ITSN1: variants seen among roughly 807,000 people sequenced by gnomAD.
The protein encoded by ITSN1 is intersectin-1.
ITSN1 carries 58 observed loss-of-function variants against 239.8 expected under a neutral mutation model. The observed-to-expected ratio is 0.24, with a 90% CI of 0.20 to 0.30. ITSN1 has a LOEUF of 0.30. ITSN1 is among the 10% of genes least tolerant of loss of function. The pLI is 1.00. For synonymous variants in ITSN1, 780 were observed against 770.8 expected (o/e 1.01, Z -0.20); for missense variants, 1,558 against 2,103.3 (o/e 0.74, Z 5.07).
chr21:33,684,115 G>A (rs1002493541), intron 1 of ITSN1, among the ~76,000 whole-genome samples: 2 of 152,070 alleles, frequency 1.3e-5, no homozygotes, highest in South Asian at 2.1e-4. Flanking sequence ...AAAGCATTTC[G>A]GTTAATTCTG....
chr21:33,883,894 G>GTTAT (rs1985351125), intron 36 of ITSN1, among the ~76,000 whole-genome samples: 1 of 109,778 alleles, frequency 9.1e-6, no homozygotes, highest in Admixed American at 1.0e-4. Context: ...TTTTGCTTGA[G>GTTAT]TTTTTTTTTT....
chr21:33,671,493 C>G (rs751884138), intron 1 of ITSN1, among the ~76,000 whole-genome samples: 12 of 151,892 alleles, frequency 7.9e-5, no homozygotes, highest in Non-Finnish European at 1.5e-4. Context: ...CCGCGTTGGT[C>G]AGGCTGGTCT....
Position 33,760,310 on chromosome 21 carries a change from G to C in ITSN1, c.725-1613G>C, listed in dbSNP as rs943645053. On this transcript the variant is annotated intron_variant, in intron 8 of 39. Transcript: ENST00000381318. ...ACCTTGGTGGTAGCTGAGTCTAAAA[G>C]AGAGGCAAATAGGGGCATCTGGGGT... Among the ~76,000 whole-genome samples the C allele has an allele frequency of 3.3e-5, 5 of 152,170 alleles. No homozygotes were observed. The South Asian group carries it at 8.3e-4, about 25-fold the overall frequency.
Position 33,882,404 on chromosome 21 carries a change from C to A in ITSN1, c.4503C>A (p.Thr1501=). 1 of 1,614,052 alleles carries A rather than the reference C, an allele frequency of 6.2e-7. No homozygotes were observed. Among genetic ancestry groups the A allele is most frequent in the Non-Finnish European group, 8.5e-7 (1 of 1,180,008 alleles). ...QITKPLGSSG[T]DKVFSPKSNL... ...CGAAGCCTTTGGGGTCTTCTGGCAC[C>A]GACAAAGTCTTCAGCCCCAAATCAA... The change falls in exon 35 of 40, where the codon ACC becomes ACA. Residue 1501 remains threonine (T), a synonymous_variant. Transcript: ENST00000381318. This position sits in a 1 kb window ranked among gnomAD's most constrained non-coding sequence, Gnocchi z 4.5.
At chr21:33,829,422 C>T in intron 26 of ITSN1, 10 of 596,074 alleles carry the variant, frequency 1.7e-5, no homozygotes, top group Non-Finnish European at 2.1e-5. Flanking sequence ...GCTCAAGGAT[C>T]AGCCAGGCCC....
Position 33,721,208 on chromosome 21 carries a change from A to C in ITSN1, c.59A>C (p.Glu20Ala). Residue 20 changes from glutamate (E) to alanine (A), a missense_variant, in exon 3 of 40, where the codon GAG becomes GCG. By Grantham distance (107) the Glu-to-Ala change is moderately radical. Around this residue, in one of 2 missense-constraint regions of ITSN1, gnomAD observed 982 missense variants for 1,209.9 expected, o/e 0.81. Coordinates refer to ENST00000381318, the MANE Select transcript of ITSN1 (RefSeq NM_003024.3). Reference protein sequence around the residue: ...GSLDIWAITVEERAKHDQQFH... With the variant: ...GSLDIWAITVAERAKHDQQFH... ...CTGGATATCTGGGCCATAACTGTAG[A>C]GGAAAGAGCGAAGCATGATCAGCAG... is the stretch of plus-strand genomic sequence containing the variant. 6.2e-7 allele frequency: 1 copy of C among 1,613,600 alleles called. No homozygotes were observed. Among genetic ancestry groups the C allele is most frequent in the Non-Finnish European group, 8.5e-7 (1 of 1,179,494 alleles).
intron 16 of ITSN1, among the ~76,000 whole-genome samples, chr21:33,782,619 C>T (rs1346768994): frequency 1.3e-5 from 2 of 152,092 alleles, no homozygotes; most frequent in Non-Finnish European, 2.9e-5. Flanking sequence ...GTCACATTTG[C>T]ACAGTAAAAT....
At chr21:33,762,335 C>T (rs1241103983) in intron 9 of ITSN1, among the ~76,000 whole-genome samples, 1 of 150,962 alleles carries the variant, frequency 6.6e-6, no homozygotes, top group Non-Finnish European at 1.5e-5. Flanking sequence ...GGTACGATCT[C>T]GGCTCACCGC....
Position 33,797,755 on chromosome 21 carries a change from C to T in ITSN1, c.2182+147C>T. The T allele has an allele frequency of 1.5e-6, 1 of 663,474 alleles. No homozygotes were observed. Among genetic ancestry groups the T allele is most frequent in the Non-Finnish European group, 2.6e-6 (1 of 382,384 alleles). 41.1% of individuals were successfully genotyped at this position (663,474 alleles called of 1,614,324 possible). On this transcript the variant is annotated intron_variant, in intron 18 of 39. Coordinates refer to ENST00000381318, the MANE Select transcript of ITSN1 (RefSeq NM_003024.3). This position sits in a 1 kb window ranked among gnomAD's most constrained non-coding sequence, Gnocchi z 4.9. The stretch of plus-strand genomic sequence containing the variant: ...CTTATTTTGAGCATGGCCAGCTCTT[C>T]TTTCCCCAGGGTCATTTGAGATCTG...
chr21:33,888,717 A>T lies in ITSN1; in HGVS notation c.*417A>T, dbSNP rs1458452699. On this transcript the variant is annotated 3_prime_UTR_variant, in exon 40 of 40. Coordinates refer to ENST00000381318, the MANE Select transcript of ITSN1 (RefSeq NM_003024.3). ...TGTTTCTTACATCCACCAGTCCCCAAGTAGACTTCTTGGCCTACAATGCCC... is the reference window on the plus strand; with the variant it reads ...TGTTTCTTACATCCACCAGTCCCCATGTAGACTTCTTGGCCTACAATGCCC... 1 of 154,890 alleles carries T rather than the reference A, an allele frequency of 6.5e-6. No individual in the cohort carries two copies. Among genetic ancestry groups the T allele is most frequent in the African/African-American group, 2.4e-5 (1 of 41,506 alleles). The allele number at this position is 154,890 out of a possible 1,614,324, so 9.6% of individuals were successfully genotyped here.
chr21:33,767,118 A>G (rs905834649), intron 10 of ITSN1, among the ~76,000 whole-genome samples: 1 of 152,194 alleles, frequency 6.6e-6, no homozygotes, highest in Non-Finnish European at 1.5e-5. Flanking sequence ...CAGTGAGCCA[A>G]GATTGCACCA....
intron 1 of ITSN1, among the ~76,000 whole-genome samples, chr21:33,698,346 C>A (rs2091884095): frequency 6.6e-6 from 1 of 152,168 alleles, no homozygotes; most frequent in Admixed American, 6.6e-5. Context: ...CCCCTGCTGC[C>A]ACTCCCCCCT....
rs141142295 is a variant in ITSN1 at position 33,772,452 on chromosome 21, G to C, written c.1305+129G>C. 1.7e-3 allele frequency: 1,973 copies of C among 1,158,554 alleles called. 4 individuals carry two copies. The highest frequency in any genetic ancestry group is 2.2e-3 in the Non-Finnish European group (1,816 of 830,334). The allele number at this position is 1,158,554 out of a possible 1,614,324, so 71.8% of individuals were successfully genotyped here. On this transcript the variant is annotated intron_variant, in intron 12 of 39. Coordinates refer to ENST00000381318, the MANE Select transcript of ITSN1 (RefSeq NM_003024.3). ...GTAGTTTTAGTATATTCCCAAAGTTGTGCAACCATCGTCCCTAATTCCAGA... is the reference window on the plus strand; with the variant it reads ...GTAGTTTTAGTATATTCCCAAAGTTCTGCAACCATCGTCCCTAATTCCAGA...
At chr21:33,714,317 C>T (rs1323483921) in intron 1 of ITSN1, among the ~76,000 whole-genome samples, 1 of 152,018 alleles carries the variant, frequency 6.6e-6, no homozygotes, top group Non-Finnish European at 1.5e-5. Flanking sequence ...CGTGGAGTCC[C>T]TTTGGTTGTC....
rs1981795626 is a variant in ITSN1, at chr21:33,867,419, A to G, written c.4173+88A>G. On this transcript the variant is annotated intron_variant, in intron 33 of 39. Transcript: ENST00000381318. Reference sequence around the variant, plus strand: ...GTCATGGACAAGATTCCCAGTGAACATATCTGGTAACTGTTGTGTAGAAAG... The same window carrying G: ...GTCATGGACAAGATTCCCAGTGAACGTATCTGGTAACTGTTGTGTAGAAAG... 9.0e-6 allele frequency: 7 copies of G among 780,152 alleles called. 1 individual carries two copies. Among genetic ancestry groups the G allele is most frequent in the South Asian group, 5.7e-5 (4 of 70,512 alleles). The allele number at this position is 780,152 out of a possible 1,614,324, so 48.3% of individuals were successfully genotyped here.
chr21:33,868,314 C>T (rs981578926), intron 33 of ITSN1, among the ~76,000 whole-genome samples: 3 of 152,248 alleles, frequency 2.0e-5, no homozygotes, highest in Non-Finnish European at 4.4e-5. Context: ...GCGCCATGCA[C>T]TCGCACTCCT....
chr21:33,830,450 A>C (rs1055256921), intron 27 of ITSN1, among the ~76,000 whole-genome samples: 4 of 152,202 alleles, frequency 2.6e-5, no homozygotes, highest in Admixed American at 6.5e-5. Flanking sequence ...AACTAGGACA[A>C]GACCTGAATG....
At chr21:33,753,786 A>T (rs1001388197) in intron 7 of ITSN1, among the ~76,000 whole-genome samples, 1 of 150,884 alleles carries the variant, frequency 6.6e-6, no homozygotes, top group Non-Finnish European at 1.5e-5. Context: ...AAAAAAAAAA[A>T]AAATTCTCCT....
chr21:33,796,913 T>A (rs1298610138), intron 17 of ITSN1, among the ~76,000 whole-genome samples: 1 of 152,230 alleles, frequency 6.6e-6, no homozygotes, highest in Non-Finnish European at 1.5e-5. Context: ...TGGTAGCTAC[T>A]TTGAAAAACA....
Sources: allele counts gnomAD v4.1 joint callset (sites outside exome capture counted in the v4.1 genomes callset), GRCh38; gene constraint gnomAD v4.1.1; regional missense constraint gnomAD v4.1.1; non-coding constraint Gnocchi (gnomAD v3.1); transcripts MANE v1.5; gene names NCBI Gene and HGNC (gene_info 2026-07-23, HGNC 2026-07-21).